Variants in VPS13A observed in about 807,000 individuals in gnomAD.
VPS13A encodes intermembrane lipid transfer protein VPS13A.
Under a neutral mutation model 390.9 loss-of-function variants are expected in VPS13A, and 264 were observed. That is an observed-to-expected ratio of 0.68 (90% CI 0.61 to 0.75). The LOEUF (loss-of-function observed/expected upper bound fraction) is 0.75. VPS13A is among the 30% of genes least tolerant of loss of function. The pLI is 0.00. For missense variants in VPS13A, 3,409 were observed against 3,733.9 expected, an observed-to-expected ratio of 0.91 and a Z score of 2.27; for synonymous variants, 1,231 against 1,227.1, an observed-to-expected ratio of 1.00 and a Z score of -0.07.
chr9:77,279,901 C>T, intron 26 of VPS13A: 1 of 247,678 alleles, frequency 4.0e-6, no homozygotes, highest in East Asian at 9.0e-5. Flanking sequence ...TTTTTCTTAC[C>T]TTACCTCCTA....
intron 45 of VPS13A, 29 bp downstream of exon 45, chr9:77,323,256 C>T: frequency 6.2e-7 from 1 of 1,610,302 alleles, no homozygotes; most frequent in Non-Finnish European, 8.5e-7. Flanking sequence ...TGGGGGATGT[C>T]CTGTTATGCA....
At position 77,209,454 on chromosome 9, in the gene VPS13A, T is replaced by C; in HGVS notation, c.417T>C (p.Phe139=). The change falls in exon 6 of 72, where the codon TTT becomes TTC. Residue 139 remains phenylalanine (F), a synonymous_variant. Transcript: ENST00000360280. ...EQHLPEKQDT[F]AEKLVTQIIK... is the part of the protein sequence containing the mutation. Reference sequence around the variant, plus strand: ...ATCTGCCGGAAAAACAGGACACTTTTGCAGAAAAATTAGTTACACAGATCA... The same window carrying C: ...ATCTGCCGGAAAAACAGGACACTTTCGCAGAAAAATTAGTTACACAGATCA... 1.9e-6 allele frequency: 3 copies of C among 1,612,846 alleles called. No homozygotes were observed. Among genetic ancestry groups the C allele is most frequent in the Non-Finnish European group, 8.5e-7 (1 of 1,179,318 alleles).
rs149606943 is a variant in VPS13A at position 77,208,640 on chromosome 9, C to G, written c.386-783C>G. ...TCTCGGCTCACTGCAGCCTCCACCTCTCTGGTTCAAACGATTCTCCTGCCT... is the reference window on the plus strand; with the variant it reads ...TCTCGGCTCACTGCAGCCTCCACCTGTCTGGTTCAAACGATTCTCCTGCCT... On this transcript the variant is annotated intron_variant, in intron 5 of 71. Transcript: ENST00000360280. 1.3e-4 allele frequency among the ~76,000 whole-genome samples: 20 copies of G among 149,398 alleles called. No individual in the cohort carries two copies. The East Asian group carries it at 4.0e-3, about 30-fold the overall frequency.
intron 2 of VPS13A, 131 bp from the exon 3 acceptor site, chr9:77,201,234 T>A: frequency 3.2e-6 from 2 of 633,660 alleles, no homozygotes. Context: ...TAAATAAATG[T>A]TGATGATAAG....
intron 2 of VPS13A, among the ~76,000 whole-genome samples, chr9:77,201,059 G>A (rs1825304949): frequency 1.3e-5 from 2 of 152,000 alleles, no homozygotes; most frequent in Non-Finnish European, 2.9e-5. Flanking sequence ...CATTGTAATT[G>A]CCACTTCTTT....
intron 2 of VPS13A, among the ~76,000 whole-genome samples, chr9:77,200,577 A>G (rs1017244558): frequency 6.6e-6 from 1 of 152,066 alleles, no homozygotes; most frequent in Non-Finnish European, 1.5e-5. Flanking sequence ...TTTTTTTAAG[A>G]CAGGCTCATG....
chr9:77,220,611 A>G (rs1382130537), intron 12 of VPS13A, among the ~76,000 whole-genome samples: 2 of 152,076 alleles, frequency 1.3e-5, no homozygotes, highest in Non-Finnish European at 2.9e-5. Flanking sequence ...CTCGAATACC[A>G]TAGTTTTCAT....
rs760283615 is a variant in VPS13A, at chr9:77,359,320, A to C, written c.8036-13A>C. On this transcript the variant is annotated splice_polypyrimidine_tract_variant and intron_variant, in intron 57 of 71. Transcript: ENST00000360280. ...AAGCATCATGGGAGTAATTATATTT[A>C]TAACCTTTACAGCACCAAAGCCCTT... is the stretch of plus-strand genomic sequence containing the variant. 1 of 1,611,876 alleles carries C rather than the reference A, an allele frequency of 6.2e-7. No homozygotes were observed. Among genetic ancestry groups the C allele is most frequent in the South Asian group, 1.1e-5 (1 of 90,954 alleles).
At chr9:77,220,637 C>G (rs994682122) in intron 12 of VPS13A, among the ~76,000 whole-genome samples, 1 of 151,998 alleles carries the variant, frequency 6.6e-6, no homozygotes, top group Non-Finnish European at 1.5e-5. Context: ...ATGGACGGGT[C>G]AGTATATTTA....
At position 77,210,625 on chromosome 9, in the gene VPS13A, C is replaced by G; in HGVS notation, c.505C>G (p.Arg169Gly). 6.2e-7 allele frequency: 1 copy of G among 1,613,664 alleles called. No homozygotes were observed. The highest frequency in any genetic ancestry group is 8.5e-7 in the Non-Finnish European group (1 of 1,179,908). Residue 169 changes from arginine (R) to glycine (G), a missense_variant, in exon 7 of 72, where the codon CGG (arginine) becomes GGG (glycine). Transcript: ENST00000360280. The part of the protein sequence containing the change: ...HIRYEDDITN[R>G]DKPLSFGISL... ...TTTCTTTCCTCTTTAGATCACAAAT[C>G]GGGACAAACCGCTGTCATTTGGTAT...
At chr9:77,288,263 T>C (rs988833685) in intron 31 of VPS13A, among the ~76,000 whole-genome samples, 1 of 152,204 alleles carries the variant, frequency 6.6e-6, no homozygotes, top group African/African-American at 2.4e-5. Flanking sequence ...TTGTTTCAAT[T>C]GAATGTTCTC....
intron 23 of VPS13A, among the ~76,000 whole-genome samples, chr9:77,261,490 C>T (rs1825759219): frequency 6.7e-6 from 1 of 149,890 alleles, no homozygotes. Flanking sequence ...TATATATTTG[C>T]TTATACTTTT....
intron 67 of VPS13A, among the ~76,000 whole-genome samples, chr9:77,378,876 G>A (rs1264843860): frequency 6.6e-6 from 1 of 151,592 alleles, no homozygotes; most frequent in East Asian, 1.9e-4. Context: ...AAGTTTTGGT[G>A]TGTTGTATTT....
chr9:77,225,798 T>A (rs928663529), intron 13 of VPS13A, 128 bp from the exon 14 acceptor site: 8 of 694,304 alleles, frequency 1.2e-5, no homozygotes, highest in African/African-American at 5.4e-5. Flanking sequence ...ATTATATTGA[T>A]GAATGTTCTG....
Position 77,198,526 on chromosome 9 carries a change from A to G in VPS13A, c.101-1419A>G, listed in dbSNP as rs1316199724. On this transcript the variant is annotated intron_variant, in intron 1 of 71. Transcript: ENST00000360280. ...AGTTTTGGATTAGTGATGCCCAGGT[A>G]TCTTTGCTCTTTTGGTTATTTTTGC... Among the ~76,000 whole-genome samples, 3 of 152,108 alleles carry G rather than the reference A, an allele frequency of 2.0e-5. No homozygotes were observed. The East Asian group carries it at 5.8e-4, about 29-fold the overall frequency.
At chr9:77,247,478 T>G in intron 20 of VPS13A, 83 bp downstream of exon 20, 1 of 1,376,200 alleles carries the variant, frequency 7.3e-7, no homozygotes, top group Non-Finnish European at 9.9e-7. Context: ...TTAAACAGTT[T>G]GATTTATTGC....
chr9:77,337,543 G>T lies in VPS13A; in HGVS notation c.6378+6G>T. ...AAATTGCTTATTATATAGAGGTATC[G>T]GCAAACTGATTTAGTGCCTTCCTGT... is the stretch of plus-strand genomic sequence containing the variant. On this transcript the variant is annotated splice_donor_region_variant and intron_variant, in intron 47 of 71. Coordinates refer to ENST00000360280, the MANE Select transcript of VPS13A (RefSeq NM_033305.3). 1.2e-6 allele frequency: 2 copies of T among 1,607,538 alleles called. No homozygotes were observed. Among genetic ancestry groups the T allele is most frequent in the South Asian group, 1.1e-5 (1 of 89,304 alleles).
chr9:77,272,542 A>G (rs1416068843), intron 23 of VPS13A, among the ~76,000 whole-genome samples: 2 of 152,222 alleles, frequency 1.3e-5, no homozygotes, highest in African/African-American at 2.4e-5. Context: ...GTGTGGTTAA[A>G]ATTTAAACAT....
intron 9 of VPS13A, among the ~76,000 whole-genome samples, chr9:77,213,600 A>T (rs72742574): frequency 6.6e-6 from 1 of 151,722 alleles, no homozygotes; most frequent in African/African-American, 2.4e-5. Context: ...GGGCTCAAGC[A>T]ATCATCCTTC....
Sources: allele counts gnomAD v4.1 joint callset (sites outside exome capture counted in the v4.1 genomes callset), GRCh38; gene constraint gnomAD v4.1.1; transcripts MANE v1.5; gene names NCBI Gene and HGNC (gene_info 2026-07-23, HGNC 2026-07-21).